Variants in DLGAP1 observed in about 807,000 individuals in gnomAD.
The protein encoded by DLGAP1 is DLG associated protein 1.
Under a neutral mutation model 90.8 loss-of-function variants are expected in DLGAP1, and 11 were observed. The observed-to-expected ratio is 0.12, with a 90% CI of 0.08 to 0.20. The LOEUF is 0.20. Ranked by LOEUF, DLGAP1 falls within the 10% of genes least tolerant of loss-of-function variation. The pLI is 1.00. For missense variants in DLGAP1, 1,050 were observed against 1,333.8 expected (o/e 0.79, Z 3.31); for synonymous variants, 558 against 540.7 (o/e 1.03, Z -0.44).
intron 4 of DLGAP1, among the ~76,000 whole-genome samples, chr18:3,855,468 C>T (rs770519879): frequency 1.1e-4 from 17 of 151,930 alleles, no homozygotes; most frequent in Non-Finnish European, 4.4e-5. Context: ...TTAGTTCTAT[C>T]GATGGTGGAA....
intron 3 of DLGAP1, among the ~76,000 whole-genome samples, chr18:3,953,144 G>A (rs2073021275): frequency 6.6e-6 from 1 of 152,162 alleles, no homozygotes; most frequent in Admixed American, 6.5e-5. Context: ...GAAATGGTGT[G>A]TCCCAGAGTT....
intron 1 of DLGAP1, among the ~76,000 whole-genome samples, chr18:4,445,253 T>C (rs1369140904): frequency 6.6e-6 from 1 of 151,834 alleles, no homozygotes; most frequent in Non-Finnish European, 1.5e-5. Flanking sequence ...ACACTCCAAA[T>C]CTCTATTCAC....
At chr18:3,824,758 CT>C (rs1205580439) in intron 4 of DLGAP1, among the ~76,000 whole-genome samples, 4 of 152,162 alleles carry the variant, frequency 2.6e-5, no homozygotes, top group Non-Finnish European at 5.9e-5. Flanking sequence ...CCCACTGCAT[CT>C]TGGGGCTGTT....
intron 3 of DLGAP1, among the ~76,000 whole-genome samples, chr18:3,912,574 G>A (rs562887724): frequency 1.1e-4 from 16 of 152,224 alleles, no homozygotes; most frequent in Non-Finnish European, 2.1e-4. Flanking sequence ...CATGTTAGAA[G>A]AATAAACATA....
chr18:3,964,189 C>T (rs1359962528), intron 3 of DLGAP1, among the ~76,000 whole-genome samples: 1 of 152,072 alleles, frequency 6.6e-6, no homozygotes, highest in African/African-American at 2.4e-5. Context: ...AATTTACACT[C>T]TTTAAAAAAG....
chr18:4,142,488 T>C (rs2076511206), intron 2 of DLGAP1, among the ~76,000 whole-genome samples: 1 of 152,192 alleles, frequency 6.6e-6, no homozygotes, highest in African/African-American at 2.4e-5. Flanking sequence ...GATAGGTCTC[T>C]GAGACATGAA....
At chr18:3,647,168 C>T (rs1424087892) in intron 7 of DLGAP1, among the ~76,000 whole-genome samples, 1 of 151,388 alleles carries the variant, frequency 6.6e-6, no homozygotes, top group African/African-American at 2.4e-5. Context: ...TCAGGAGAAT[C>T]GCTTGAACCT....
intron 1 of DLGAP1, among the ~76,000 whole-genome samples, chr18:4,257,782 G>A (rs2078919704): frequency 6.6e-6 from 1 of 151,876 alleles, no homozygotes. Flanking sequence ...ATGCCACTAT[G>A]CCTGGCTAAT....
chr18:4,404,006 CAGTCCCAGTCAAA>C (rs2082611779), intron 1 of DLGAP1, among the ~76,000 whole-genome samples: 1 of 152,104 alleles, frequency 6.6e-6, no homozygotes, highest in African/African-American at 2.4e-5. Flanking sequence ...TTAAACTTCC[CAGTCCCAGTCAAA>C]AGTCCTCTGC....
rs1215139504 is a variant in DLGAP1, at chr18:3,695,024, C to T, written c.1591+34111G>A. On this transcript the variant is annotated intron_variant, in intron 7 of 12. Coordinates refer to ENST00000315677, the MANE Select transcript of DLGAP1 (RefSeq NM_004746.4). ...GCGTGCTCTTGGCTCACTGCAAGCTCCGCCTCCTGGGTTCATGCCATTCTC... is the reference window on the plus strand; with the variant it reads ...GCGTGCTCTTGGCTCACTGCAAGCTTCGCCTCCTGGGTTCATGCCATTCTC... Among the ~76,000 whole-genome samples, 3 of 150,824 alleles carry T rather than the reference C, an allele frequency of 2.0e-5. No individual in the cohort carries two copies. In the South Asian group the frequency reaches 6.3e-4, roughly 32 times the overall value.
chr18:4,322,883 C>G (rs1193464314), intron 1 of DLGAP1, among the ~76,000 whole-genome samples: 1 of 145,748 alleles, frequency 6.9e-6, no homozygotes, highest in Non-Finnish European at 1.5e-5. Flanking sequence ...CTGGCATGAA[C>G]CCGGGAGGCG....
chr18:4,022,088 C>T (rs993802348), intron 2 of DLGAP1, among the ~76,000 whole-genome samples: 10 of 152,162 alleles, frequency 6.6e-5, no homozygotes, highest in Non-Finnish European at 1.0e-4. Flanking sequence ...TTCATGAAGG[C>T]TCTCAAACAG....
intron 1 of DLGAP1, among the ~76,000 whole-genome samples, chr18:4,332,192 G>A (rs999731136): frequency 2.0e-5 from 3 of 151,982 alleles, no homozygotes; most frequent in Non-Finnish European, 4.4e-5. Flanking sequence ...ATCCAGTGGT[G>A]AGGAAAATCA....
chr18:4,184,736 T>A (rs2144685182), intron 1 of DLGAP1, among the ~76,000 whole-genome samples: 1 of 152,212 alleles, frequency 6.6e-6, no homozygotes, highest in East Asian at 1.9e-4. Flanking sequence ...ATCTACTTAT[T>A]TTGCCATACT....
intron 7 of DLGAP1, among the ~76,000 whole-genome samples, chr18:3,655,085 C>A (rs927438394): frequency 6.6e-6 from 1 of 152,094 alleles, no homozygotes; most frequent in Non-Finnish European, 1.5e-5. Context: ...CTCCAACCCC[C>A]ACTGCAATTT....
chr18:4,320,958 G>T (rs1462783938), intron 1 of DLGAP1, among the ~76,000 whole-genome samples: 1 of 152,118 alleles, frequency 6.6e-6, no homozygotes, highest in Non-Finnish European at 1.5e-5. Context: ...AGAATTTCAG[G>T]ATGGAAAAAT....
At chr18:4,003,581 A>C (rs931091414) in intron 3 of DLGAP1, among the ~76,000 whole-genome samples, 11 of 152,052 alleles carry the variant, frequency 7.2e-5, no homozygotes, top group Non-Finnish European at 1.0e-4. Context: ...AAAGGTATTG[A>C]ATGGGAAAGT....
intron 5 of DLGAP1, among the ~76,000 whole-genome samples, chr18:3,785,643 T>G (rs3985696): frequency 6.6e-6 from 1 of 152,130 alleles, no homozygotes; most frequent in Non-Finnish European, 1.5e-5. Context: ...TGAATGAACC[T>G]GGGAGGTATT....
At chr18:3,995,013 A>G (rs7238585) in intron 3 of DLGAP1, among the ~76,000 whole-genome samples, 7,982 of 152,292 alleles carry the variant, frequency 0.052, 552 homozygotes, top group African/African-American at 0.16. Context: ...AAGTATCTAT[A>G]GATTATGCTC....
Sources: gnomAD v4.1 joint callset for allele counts (sites outside exome capture counted in the v4.1 genomes callset) on GRCh38, gnomAD v4.1.1 for gene constraint, MANE v1.5 for transcripts, NCBI Gene and HGNC (gene_info 2026-07-23, HGNC 2026-07-21) for gene names.